NEK4: variants seen among roughly 807,000 people sequenced by gnomAD.
The protein encoded by NEK4 is NIMA related kinase 4.
NEK4 carries 86 observed loss-of-function variants against 98.4 expected under a neutral mutation model. The ratio of observed to expected loss-of-function variants is 0.87; its 90% CI spans 0.73 to 1.05. NEK4 has a LOEUF of 1.05. Ranked by LOEUF, NEK4 falls within the 50% of genes least tolerant of loss-of-function variation. NEK4 has a pLI of 0.00. For synonymous variants in NEK4, 328 were observed against 342.2 expected (o/e 0.96, Z 0.46); for missense variants, 898 against 950.3 (o/e 0.94, Z 0.72).
intron 1 of NEK4, among the ~76,000 whole-genome samples, chr3:52,770,340 GT>G (rs1698729215): frequency 6.6e-6 from 1 of 151,786 alleles, no homozygotes; most frequent in South Asian, 2.1e-4. Flanking sequence ...AGAAAGGTGT[GT>G]AGATCACGCA....
Position 52,741,504 on chromosome 3 carries a change from T to A in NEK4, c.2005-5A>T. ...ACAATGAATCTGTTTCCTTTCCTAT[T>A]AAATGTTTGGAAGAATTAAAATTCT... is the stretch of plus-strand genomic sequence containing the variant. On this transcript the variant is annotated splice_region_variant and splice_polypyrimidine_tract_variant and intron_variant, in intron 12 of 15. Coordinates refer to ENST00000233027, the MANE Select transcript of NEK4 (RefSeq NM_003157.6). 2 of 1,578,116 alleles carry A rather than the reference T, an allele frequency of 1.3e-6. No homozygotes were observed. Among genetic ancestry groups the A allele is most frequent in the Non-Finnish European group, 1.7e-6 (2 of 1,147,724 alleles).
At chr3:52,737,774 A>G in intron 14 of NEK4, 55 bp from the exon 15 acceptor site, 2 of 1,277,394 alleles carry the variant, frequency 1.6e-6, no homozygotes, top group Admixed American at 4.7e-5. Context: ...CCACTATAGC[A>G]AGAACACTGC....
At chr3:52,765,396 C>T in intron 4 of NEK4, among the ~76,000 whole-genome samples, 1 of 151,600 alleles carries the variant, frequency 6.6e-6, no homozygotes, top group East Asian at 1.9e-4. Flanking sequence ...TACATGGATG[C>T]CTGAATCTAT....
At chr3:52,746,987 G>C (rs112018697) in intron 8 of NEK4, 83 bp from the exon 9 acceptor site, 2 of 1,126,910 alleles carry the variant, frequency 1.8e-6, no homozygotes, top group African/African-American at 1.6e-5. Context: ...ATAAAAAGTG[G>C]CTTTTGTTTT....
chr3:52,711,979 A>G (rs919777249), intron 15 of NEK4, 110 bp from the exon 16 acceptor site: 2 of 605,890 alleles, frequency 3.3e-6, no homozygotes, highest in Non-Finnish European at 6.0e-6. Context: ...GAAACCATAC[A>G]GGAAAATACT....
At position 52,768,658 on chromosome 3, in the gene NEK4, C is replaced by A. The variant is rs1401194938; in HGVS notation, c.94-54G>T. The stretch of plus-strand genomic sequence containing the variant: ...GTGCAAATAAACGTAAGATTTGTGG[C>A]CTCAGAGTTATCTAAGGGCTCTCAA... On this transcript the variant is annotated intron_variant, in intron 1 of 15. Transcript: ENST00000233027. 3.8e-6 allele frequency: 6 copies of A among 1,565,674 alleles called. No individual in the cohort carries two copies. In the South Asian group the frequency reaches 5.7e-5, roughly 15 times the overall value.
chr3:52,713,049 C>G (rs1039341526), intron 15 of NEK4, among the ~76,000 whole-genome samples: 11 of 152,168 alleles, frequency 7.2e-5, no homozygotes, highest in African/African-American at 1.7e-4. Flanking sequence ...AGGCCACGCC[C>G]TCCCTTACCC....
At chr3:52,767,817 C>T (rs899827564) in intron 2 of NEK4, among the ~76,000 whole-genome samples, 6 of 151,996 alleles carry the variant, frequency 3.9e-5, no homozygotes, top group Admixed American at 1.3e-4. Context: ...ATTTCATAAA[C>T]GTCTCGCTTT....
rs1226608666 is a variant in NEK4 at position 52,766,370 on chromosome 3, T to A, written c.366A>T (p.Leu122Phe). The A allele has an allele frequency of 1.2e-6, 2 of 1,609,448 alleles. No individual in the cohort carries two copies. The highest frequency in any genetic ancestry group is 2.2e-5 in the South Asian group (2 of 90,968). Residue 122 changes from leucine (L) to phenylalanine (F), a missense_variant, in exon 3 of 16, where the codon TTA becomes TTT. Coordinates refer to ENST00000233027, the MANE Select transcript of NEK4 (RefSeq NM_003157.6). ...CTCGATGAAGGATGTGTTTTTCATG[T>A]AAATACTGAGGAAAGAAACAAGATT... The part of the protein sequence containing the change: ...FVQIAMALQY[L>F]HEKHILHRDL...
rs376778918 is a variant in NEK4 at position 52,743,361 on chromosome 3, G to A, written c.1995C>T (p.Ser665=). Residue 665 remains serine, a synonymous_variant, in exon 12 of 16, where the codon AGC becomes AGT. Coordinates refer to ENST00000233027, the MANE Select transcript of NEK4 (RefSeq NM_003157.6). The part of the protein sequence containing the change: ...LPARRLSSDC[S]VTQERKQIHC... Reference sequence around the variant, plus strand: ...GGAGTACGTAATGCACCTGAGTGACGCTGCAGTCAGAGGAGAGCCGTCGGG... The same window carrying A: ...GGAGTACGTAATGCACCTGAGTGACACTGCAGTCAGAGGAGAGCCGTCGGG... 80 of 1,613,340 alleles carry A rather than the reference G, an allele frequency of 5.0e-5. No individual in the cohort carries two copies. The highest frequency in any genetic ancestry group is 1.5e-4 in the African/African-American group (11 of 74,892).
chr3:52,736,016 G>A (rs2097375317), intron 15 of NEK4, among the ~76,000 whole-genome samples: 1 of 152,210 alleles, frequency 6.6e-6, no homozygotes, highest in Non-Finnish European at 1.5e-5. Flanking sequence ...TCTAGTAGGA[G>A]AAGTGGGGCA....
At chr3:52,761,914 C>A (rs1405672071) in intron 5 of NEK4, among the ~76,000 whole-genome samples, 1 of 152,186 alleles carries the variant, frequency 6.6e-6, no homozygotes, top group Admixed American at 6.5e-5. Flanking sequence ...ACATCCCCAA[C>A]TATTTTAGTA....
At position 52,746,230 on chromosome 3, in the gene NEK4, A is replaced by C; in HGVS notation, c.1678-20T>G. ...TTGGAACTTAAATAATTAAAAAAGA[A>C]GATTATCAGTTTCATATATAGCCCC... On this transcript the variant is annotated intron_variant, in intron 9 of 15. Coordinates refer to ENST00000233027, the MANE Select transcript of NEK4 (RefSeq NM_003157.6). 6.2e-7 allele frequency: 1 copy of C among 1,611,742 alleles called. No homozygotes were observed.
chr3:52,743,391 C>A lies in NEK4; in HGVS notation c.1965G>T (p.Leu655Phe). The change falls in exon 12 of 16, where the codon TTG becomes TTT. Residue 655 changes from leucine (L) to phenylalanine (F), a missense_variant. Transcript: ENST00000233027. ...PGKPQEEDQP[L>F]PARRLSSDCS... ...AGTCAGAGGAGAGCCGTCGGGCAGGCAAGGGCTGGTCTTCTTCCTGGGGTT... is the reference window on the plus strand; with the variant it reads ...AGTCAGAGGAGAGCCGTCGGGCAGGAAAGGGCTGGTCTTCTTCCTGGGGTT... 6.2e-7 allele frequency: 1 copy of A among 1,614,146 alleles called. No homozygotes were observed. Among genetic ancestry groups the A allele is most frequent in the Non-Finnish European group, 8.5e-7 (1 of 1,180,024 alleles).
chr3:52,728,825 T>C (rs2097366956), intron 15 of NEK4, among the ~76,000 whole-genome samples: 1 of 151,712 alleles, frequency 6.6e-6, no homozygotes, highest in African/African-American at 2.4e-5. Context: ...TGGGGGGAGG[T>C]CTATAAACGG....
Position 52,741,455 on chromosome 3 carries a change from A to C in NEK4, c.2049T>G (p.Ser683=). 6.2e-7 allele frequency: 1 copy of C among 1,611,542 alleles called. No individual in the cohort carries two copies. Among genetic ancestry groups the C allele is most frequent in the Admixed American group, 1.7e-5 (1 of 60,008 alleles). The change falls in exon 13 of 16, where the codon TCT becomes TCG. Residue 683 remains serine, a synonymous_variant. Transcript: ENST00000233027. ...CTGACTTATCAGTTGAACTTGTAGA[A>C]GAACTTAACTCATCCTCAGACAGAC... is the stretch of plus-strand genomic sequence containing the variant. ...IHCLSEDELS[S]STSSTDKSDG...
intron 7 of NEK4, among the ~76,000 whole-genome samples, chr3:52,751,632 AG>A: frequency 6.6e-6 from 1 of 151,600 alleles, no homozygotes; most frequent in African/African-American, 2.4e-5. Flanking sequence ...AAAAAAAAAA[AG>A]AGAAAAAAAG....
chr3:52,748,324 T>C lies in NEK4; in HGVS notation c.1506+1368A>G, dbSNP rs1373598298. Reference sequence around the variant, plus strand: ...AAGTTGTCTTTCTCAAAATGAATGTTTATTTGCAGTGTTGACAGGCAAAGA... The same window carrying C: ...AAGTTGTCTTTCTCAAAATGAATGTCTATTTGCAGTGTTGACAGGCAAAGA... On this transcript the variant is annotated intron_variant, in intron 8 of 15. Transcript: ENST00000233027. 2.0e-5 allele frequency among the ~76,000 whole-genome samples: 3 copies of C among 152,118 alleles called. No homozygotes were observed. In the East Asian group the frequency reaches 5.8e-4, roughly 29 times the overall value.
chr3:52,726,352 A>G (rs1165516919), intron 15 of NEK4, among the ~76,000 whole-genome samples: 1 of 152,208 alleles, frequency 6.6e-6, no homozygotes, highest in Non-Finnish European at 1.5e-5. Context: ...TAATCCCAGC[A>G]CTTTAGGAGG....
Sources: gnomAD v4.1 joint callset for allele counts (sites outside exome capture counted in the v4.1 genomes callset) on GRCh38, gnomAD v4.1.1 for gene constraint, MANE v1.5 for transcripts, NCBI Gene and HGNC (gene_info 2026-07-23, HGNC 2026-07-21) for gene names.